The following KIF22 variants were observed in gnomAD, a reference collection of about 807,000 sequenced individuals.
The protein encoded by KIF22 is kinesin-like protein KIF22.
A neutral mutation model predicts 73.0 loss-of-function variants in KIF22; 62 were observed. That is an observed-to-expected ratio of 0.85 (90% CI 0.69 to 1.05). The LOEUF is 1.05. Among genes scored for constraint, KIF22 ranks in the 50% least tolerant of loss-of-function variants. KIF22 has a pLI of 0.00. For synonymous variants in KIF22, 411 were observed against 340.1 expected, an observed-to-expected ratio of 1.21 and a Z score of -2.29; for missense variants, 854 against 870.1, an observed-to-expected ratio of 0.98 and a Z score of 0.23.
chr16:29,796,495 G>T (rs1898953955), intron 1 of KIF22, among the ~76,000 whole-genome samples: 1 of 151,640 alleles, frequency 6.6e-6, no homozygotes, highest in Non-Finnish European at 1.5e-5. Flanking sequence ...GATCGCTGGA[G>T]CCCAGGAGTT....
chr16:29,797,797 A>G lies in KIF22; in HGVS notation c.267-577A>G, dbSNP rs1458723094. Among the ~76,000 whole-genome samples the G allele has an allele frequency of 6.6e-6, 1 of 152,096 alleles. No homozygotes were observed. Among genetic ancestry groups the G allele is most frequent in the Admixed American group, 6.5e-5 (1 of 15,274 alleles). ...GTTTCTTTCCAGCCTCATTCCCTCA[A>G]TATATATTAAACTCCCTGCTGTGGC... On this transcript the variant is annotated intron_variant, in intron 2 of 13. Transcript: ENST00000160827. This position sits in a 1 kb window ranked among gnomAD's most constrained non-coding sequence, Gnocchi z 4.1.
rs781257402 is a variant in KIF22, at chr16:29,802,986, G to A, written c.1449+49G>A. ...GCTGGATTCCTATTGGCCTTGAGAA[G>A]CAATCCTTGGATCTTCAGACAGGGA... On this transcript the variant is annotated intron_variant, in intron 9 of 13. Coordinates refer to ENST00000160827, the MANE Select transcript of KIF22 (RefSeq NM_007317.3). 5 of 1,568,406 alleles carry A rather than the reference G, an allele frequency of 3.2e-6. No homozygotes were observed. The South Asian group carries it at 5.7e-5, about 18-fold the overall frequency.
chr16:29,791,293 G>A (rs1898808696), intron 1 of KIF22: 1 of 979,650 alleles, frequency 1.0e-6, no homozygotes, highest in Non-Finnish European at 1.2e-6. Context: ...GATGCAAGAG[G>A]ACGGGCTGAG....
In KIF22 at chr16:29,790,791, G is replaced by T. The variant is rs758038735; in HGVS notation, c.32G>T (p.Arg11Leu). The T allele has an allele frequency of 2.5e-6, 4 of 1,603,798 alleles. No homozygotes were observed. In the South Asian group the frequency reaches 3.4e-5, roughly 13 times the overall value. Residue 11 changes from arginine (R) to leucine (L), a missense_variant, in exon 1 of 14, where the codon CGA becomes CTA. Arg to Leu is a moderately radical substitution (Grantham distance 102, BLOSUM62 -2). Transcript: ENST00000160827. Reference sequence around the variant, plus strand: ...GCGGGCGGCTCGACGCAGCAGAGGCGACGCGAGATGGCGGCAGCTTCAGCG... The same window carrying T: ...GCGGGCGGCTCGACGCAGCAGAGGCTACGCGAGATGGCGGCAGCTTCAGCG... MAAGGSTQQRRREMAAASAAA... is the reference protein window; with the variant it reads MAAGGSTQQRLREMAAASAAA...
Position 29,802,888 on chromosome 16 carries a change from A to C in KIF22, c.1400A>C (p.Glu467Ala). The C allele has an allele frequency of 6.2e-7, 1 of 1,612,494 alleles. No homozygotes were observed. The highest frequency in any genetic ancestry group is 8.5e-7 in the Non-Finnish European group (1 of 1,179,422). The stretch of plus-strand genomic sequence containing the variant: ...CCTCTGTTGAGTACCCCAAAGCGAG[A>C]GCGGATGGTGCTAATGAAGACAGTG... ...GAPLLSTPKR[E>A]RMVLMKTVEE... The change falls in exon 9 of 14, where the codon GAG becomes GCG. Residue 467 changes from glutamate (E) to alanine (A), a missense_variant. Physicochemically the swap from Glu to Ala is moderately radical, Grantham distance 107 (BLOSUM62 -1). This residue lies in a region of KIF22 where 423 missense variants were observed against 365.4 expected (regional missense o/e 1.16). Transcript: ENST00000160827.
At position 29,790,784 on chromosome 16, in the gene KIF22, C is replaced by A; in HGVS notation, c.25C>A (p.Gln9Lys). The A allele has an allele frequency of 6.2e-7, 1 of 1,602,388 alleles. No individual in the cohort carries two copies. Residue 9 changes from glutamine (Q) to lysine (K), a missense_variant, in exon 1 of 14, where the codon CAG (glutamine) becomes AAG (lysine). Coordinates refer to ENST00000160827, the MANE Select transcript of KIF22 (RefSeq NM_007317.3). MAAGGSTQQRRREMAAASA... is the reference protein window; with the variant it reads MAAGGSTQKRRREMAAASA... The stretch of plus-strand genomic sequence containing the variant: ...AATGGCCGCGGGCGGCTCGACGCAG[C>A]AGAGGCGACGCGAGATGGCGGCAGC...
In KIF22 at chr16:29,798,453, C is replaced by T; in HGVS notation, c.346C>T (p.Leu116=). The T allele has an allele frequency of 6.2e-7, 1 of 1,614,146 alleles. No homozygotes were observed. The highest frequency in any genetic ancestry group is 2.2e-5 in the East Asian group (1 of 44,886). Residue 116 remains leucine (L), a synonymous_variant, in exon 3 of 14, where the codon CTG becomes TTG. Coordinates refer to ENST00000160827, the MANE Select transcript of KIF22 (RefSeq NM_007317.3). The surrounding 1 kb of genome is among the most constrained non-coding windows in gnomAD (Gnocchi z 4.1). ...AGTGCAGCCCATCCTAAGGCACTTGCTGGAAGGGCAGAATGCCAGTGTGCT... is the reference window on the plus strand; with the variant it reads ...AGTGCAGCCCATCCTAAGGCACTTGTTGGAAGGGCAGAATGCCAGTGTGCT... ...GSVQPILRHL[L]EGQNASVLAY... is the part of the protein sequence containing the mutation.
chr16:29,805,222 C>T lies in KIF22; in HGVS notation c.1951-41C>T, dbSNP rs759522044. On this transcript the variant is annotated intron_variant, in intron 13 of 13. Coordinates refer to ENST00000160827, the MANE Select transcript of KIF22 (RefSeq NM_007317.3). ...CCTCTGCCTGTCCTGCGCCCCGCGC[C>T]CCTCTCTAACGTCGCTGTCTCCCTC... The T allele has an allele frequency of 4.3e-6, 7 of 1,613,948 alleles. No homozygotes were observed. In the African/African-American group the frequency reaches 6.7e-5, roughly 15 times the overall value.
At position 29,790,867 on chromosome 16, in the gene KIF22, T is replaced by G. The variant is rs753053276; in HGVS notation, c.70+38T>G. On this transcript the variant is annotated intron_variant, in intron 1 of 13. Transcript: ENST00000160827. Reference sequence around the variant, plus strand: ...GGCCTGGGCAAGGCGGGTACCGACGTCTGGAGTTTAGTGGGAGTTATGTGT... The same window carrying G: ...GGCCTGGGCAAGGCGGGTACCGACGGCTGGAGTTTAGTGGGAGTTATGTGT... 13 of 1,575,052 alleles carry G rather than the reference T, an allele frequency of 8.3e-6. No individual in the cohort carries two copies. In the East Asian group the frequency reaches 2.8e-4, roughly 34 times the overall value.
chr16:29,803,094 C>T (rs995558505), intron 9 of KIF22, among the ~76,000 whole-genome samples, 157 bp downstream of exon 9: 3 of 152,020 alleles, frequency 2.0e-5, no homozygotes, highest in African/African-American at 7.3e-5. Flanking sequence ...CTTAACATGG[C>T]TGAACTTTGA....
chr16:29,798,998 T>A lies in KIF22; in HGVS notation c.573T>A (p.Ala191=). 1 of 1,614,226 alleles carries A rather than the reference T, an allele frequency of 6.2e-7. No individual in the cohort carries two copies. The highest frequency in any genetic ancestry group is 8.5e-7 in the Non-Finnish European group (1 of 1,180,038). The change falls in exon 5 of 14, where the codon GCT becomes GCA. Residue 191 remains alanine (A), a synonymous_variant. Transcript: ENST00000160827. The surrounding 1 kb of genome is among the most constrained non-coding windows in gnomAD (Gnocchi z 4.1). ...AGGTATTAGACCTCCTGGACCCTGC[T>A]TCGGGAGACCTGGTAATCCGAGAAG... is the stretch of plus-strand genomic sequence containing the variant. ...QEKVLDLLDP[A]SGDLVIREDC...
At chr16:29,796,552 CT>C (rs879291113) in intron 1 of KIF22, among the ~76,000 whole-genome samples, 403 of 144,496 alleles carry the variant, frequency 2.8e-3, no homozygotes, top group Middle Eastern at 7.2e-3. Context: ...CTCTCTCTCT[CT>C]TTTTTTTTTT....
chr16:29,805,207 T>A (rs1009997951), intron 13 of KIF22, 33 bp downstream of exon 13: 6 of 1,613,976 alleles, frequency 3.7e-6, no homozygotes, highest in Non-Finnish European at 5.1e-6. Flanking sequence ...CCTCTGCCTG[T>A]CCTGCGCCCC....
chr16:29,800,155 C>G (rs752217214), intron 8 of KIF22, 107 bp downstream of exon 8: 37 of 1,335,010 alleles, frequency 2.8e-5, no homozygotes, highest in Non-Finnish European at 3.6e-5. Flanking sequence ...TTGTTCCTCT[C>G]CCATTAAATT....
chr16:29,796,598 A>T (rs945258754), intron 1 of KIF22, among the ~76,000 whole-genome samples: 2 of 151,688 alleles, frequency 1.3e-5, no homozygotes, highest in African/African-American at 4.8e-5. Context: ...CTTGTTAGAA[A>T]TGCAAAATCT....
chr16:29,802,748 G>A (rs371789170), intron 8 of KIF22, 21 bp from the exon 9 acceptor site: 3 of 1,534,610 alleles, frequency 2.0e-6, no homozygotes, highest in Non-Finnish European at 2.6e-6. Context: ...TAGGTGGGGA[G>A]CAACTTCTTT....
intron 1 of KIF22, chr16:29,791,301 G>A: frequency 1.0e-6 from 1 of 956,298 alleles, no homozygotes; most frequent in Non-Finnish European, 1.2e-6. Flanking sequence ...AGGACGGGCT[G>A]AGGAACAGAC....
intron 8 of KIF22, among the ~76,000 whole-genome samples, chr16:29,800,522 T>C (rs1899101082): frequency 6.9e-6 from 1 of 144,888 alleles, no homozygotes; most frequent in Non-Finnish European, 1.5e-5. Context: ...CCCAGCACTT[T>C]GGGAGGCCAA....
chr16:29,801,708 A>C (rs1406946553), intron 8 of KIF22, among the ~76,000 whole-genome samples: 1 of 152,170 alleles, frequency 6.6e-6, no homozygotes, highest in Non-Finnish European at 1.5e-5. Context: ...ATCAGGAAGG[A>C]GTAGCTGCTG....
Sources: gnomAD v4.1 joint callset for allele counts (sites outside exome capture counted in the v4.1 genomes callset) on GRCh38, gnomAD v4.1.1 for gene constraint, gnomAD v4.1.1 regional missense constraint, Gnocchi (gnomAD v3.1) non-coding constraint, MANE v1.5 for transcripts, NCBI Gene and HGNC (gene_info 2026-07-23, HGNC 2026-07-21) for gene names.